The following PLEKHA3 variants were observed in gnomAD, a reference collection of about 807,000 sequenced individuals.
The protein encoded by PLEKHA3 is pleckstrin homology domain containing A3.
PLEKHA3 carries 19 observed loss-of-function variants against 39.2 expected under a neutral mutation model. The observed-to-expected ratio is 0.48, with a 90% CI of 0.34 to 0.71. PLEKHA3 has a LOEUF of 0.71. Among genes scored for constraint, PLEKHA3 ranks in the 30% least tolerant of loss-of-function variants. PLEKHA3 has a pLI of 0.01. For missense variants in PLEKHA3, 253 were observed against 359.5 expected (o/e 0.70, Z 2.40); for synonymous variants, 97 against 118.6 (o/e 0.82, Z 1.18).
rs1158184049 is a variant in PLEKHA3, at chr2:178,508,938, A to G, written c.*5051A>G. 6.5e-6 allele frequency: 1 copy of G among 153,736 alleles called. No homozygotes were observed. The highest frequency in any genetic ancestry group is 1.5e-5 in the Non-Finnish European group (1 of 68,074). 9.5% of individuals were successfully genotyped at this position (153,736 alleles called of 1,614,324 possible). On this transcript the variant is annotated 3_prime_UTR_variant, in exon 8 of 8. Coordinates refer to ENST00000234453, the MANE Select transcript of PLEKHA3 (RefSeq NM_019091.4). ...GACTTCTAGTCCTGATTTCAGCCCT[A>G]TACCTCACTCTCATCTTCTACAATA...
chr2:178,488,086 C>A (rs1176978593), intron 2 of PLEKHA3, among the ~76,000 whole-genome samples: 3 of 149,246 alleles, frequency 2.0e-5, no homozygotes, highest in African/African-American at 7.4e-5. Flanking sequence ...CCAGCCTGGG[C>A]AACAAAATGA....
rs1685597232 is a variant in PLEKHA3, at chr2:178,506,027, A to G, written c.*2140A>G. On this transcript the variant is annotated 3_prime_UTR_variant, in exon 8 of 8. Coordinates refer to ENST00000234453, the MANE Select transcript of PLEKHA3 (RefSeq NM_019091.4). ...TAGCATGAAGAAACCTATAAAGCTT[A>G]AGGGAACCTTGCATTTTGAGGAGTC... 1 of 152,106 alleles carries G rather than the reference A, an allele frequency of 6.6e-6. No individual in the cohort carries two copies. Among genetic ancestry groups the G allele is most frequent in the Non-Finnish European group, 1.5e-5 (1 of 67,982 alleles). 9.4% of individuals were successfully genotyped at this position (152,106 alleles called of 1,614,324 possible).
chr2:178,481,844 G>C (rs551445028), intron 1 of PLEKHA3: 13 of 82,458 alleles, frequency 1.6e-4, no homozygotes, highest in East Asian at 1.5e-3. Context: ...AGATTTTTTG[G>C]GGGGGGGGGG....
chr2:178,513,336 AC>A lies in PLEKHA3; in HGVS notation c.*9450del, dbSNP rs1685714665. On this transcript the variant is annotated 3_prime_UTR_variant, in exon 8 of 8. Coordinates refer to ENST00000234453, the MANE Select transcript of PLEKHA3 (RefSeq NM_019091.4). ...GGCACATTTTTATGATGCATCTGGTACTAAAGAAGGAGCTGGCTTTATGACC... is the reference window on the plus strand; with the variant it reads ...GGCACATTTTTATGATGCATCTGGTATAAAGAAGGAGCTGGCTTTATGACC... The A allele has an allele frequency of 6.6e-6, 1 of 152,174 alleles. No individual in the cohort carries two copies. The highest frequency in any genetic ancestry group is 2.4e-5 in the African/African-American group (1 of 41,432). The allele number at this position is 152,174 out of a possible 1,614,324, so 9.4% of individuals were successfully genotyped here.
At position 178,507,758 on chromosome 2, in the gene PLEKHA3, T is replaced by G. The variant is rs546682300; in HGVS notation, c.*3871T>G. The G allele has an allele frequency of 2.1e-5, 3 of 145,804 alleles. No homozygotes were observed. The East Asian group carries it at 6.3e-4, about 30-fold the overall frequency. The allele number at this position is 145,804 out of a possible 1,614,324, so 9.0% of individuals were successfully genotyped here. A position where few individuals can be genotyped will look rare whatever the true frequency, so the allele number is the denominator to read the frequency against. On this transcript the variant is annotated 3_prime_UTR_variant, in exon 8 of 8. Coordinates refer to ENST00000234453, the MANE Select transcript of PLEKHA3 (RefSeq NM_019091.4). ...GCATAGAAAGTAAAGATTTTAAGGCTTTACAGGTCTGAAAATGTCTCTACT... is the reference window on the plus strand; with the variant it reads ...GCATAGAAAGTAAAGATTTTAAGGCGTTACAGGTCTGAAAATGTCTCTACT...
intron 1 of PLEKHA3, among the ~76,000 whole-genome samples, chr2:178,484,481 C>G (rs1259182410): frequency 6.6e-6 from 1 of 151,990 alleles, no homozygotes; most frequent in Non-Finnish European, 1.5e-5. Context: ...CAGATAAATC[C>G]TTTTGGGGAA....
intron 2 of PLEKHA3, among the ~76,000 whole-genome samples, chr2:178,488,556 G>C (rs1024650963): frequency 6.6e-6 from 1 of 152,210 alleles, no homozygotes; most frequent in Non-Finnish European, 1.5e-5. Flanking sequence ...ATTCTGTTCT[G>C]TGGCCCTGTT....
chr2:178,497,086 G>T (rs1383159281), intron 5 of PLEKHA3, among the ~76,000 whole-genome samples: 1 of 150,640 alleles, frequency 6.6e-6, no homozygotes, highest in Non-Finnish European at 1.5e-5. Context: ...ATGCCCAGCC[G>T]TCACACCCTC....
intron 2 of PLEKHA3, among the ~76,000 whole-genome samples, chr2:178,487,885 A>G (rs1685276352): frequency 6.6e-6 from 1 of 152,112 alleles, no homozygotes; most frequent in African/African-American, 2.4e-5. Flanking sequence ...AATTCGGAAT[A>G]TTTCTGGTGT....
At chr2:178,481,845 G>GTT (rs1415420827) in intron 1 of PLEKHA3, 2 of 139,516 alleles carry the variant, frequency 1.4e-5, no homozygotes, top group East Asian at 5.0e-4. Context: ...GATTTTTTGG[G>GTT]GGGGGGGGGT....
intron 1 of PLEKHA3, among the ~76,000 whole-genome samples, chr2:178,484,018 G>A (rs972829390): frequency 2.6e-5 from 4 of 152,134 alleles, no homozygotes; most frequent in Non-Finnish European, 4.4e-5. Context: ...TTGAGGCTGT[G>A]GTGAGCCATG....
In PLEKHA3 at chr2:178,515,726, T is replaced by C. The variant is rs1205869880; in HGVS notation, c.*11839T>C. ...ATTTTTTTGTAATTTTTTTGCTTTCTAATTCTTGAGTGAATTTAAAACTCA... is the reference window on the plus strand; with the variant it reads ...ATTTTTTTGTAATTTTTTTGCTTTCCAATTCTTGAGTGAATTTAAAACTCA... On this transcript the variant is annotated 3_prime_UTR_variant, in exon 8 of 8. Coordinates refer to ENST00000234453, the MANE Select transcript of PLEKHA3 (RefSeq NM_019091.4). 12 of 152,260 alleles carry C rather than the reference T, an allele frequency of 7.9e-5. No homozygotes were observed. In the East Asian group the frequency reaches 2.1e-3, roughly 27 times the overall value. 9.4% of individuals were successfully genotyped at this position (152,260 alleles called of 1,614,324 possible). A position where few individuals can be genotyped will look rare whatever the true frequency, so the allele number is the denominator to read the frequency against.
intron 2 of PLEKHA3, among the ~76,000 whole-genome samples, chr2:178,488,493 C>T (rs1007121261): frequency 1.3e-5 from 2 of 152,216 alleles, no homozygotes; most frequent in Non-Finnish European, 2.9e-5. Flanking sequence ...ATGGGGATAC[C>T]TTTGTCACAA....
At position 178,504,625 on chromosome 2, in the gene PLEKHA3, A is replaced by G. The variant is rs1386491527; in HGVS notation, c.*738A>G. The G allele has an allele frequency of 2.0e-5, 3 of 152,252 alleles. No homozygotes were observed. The highest frequency in any genetic ancestry group is 2.0e-4 in the Admixed American group (3 of 15,240). 9.4% of individuals were successfully genotyped at this position (152,252 alleles called of 1,614,324 possible). A position where few individuals can be genotyped will look rare whatever the true frequency, so the allele number is the denominator to read the frequency against. Reference sequence around the variant, plus strand: ...CGTTGTTCTTTACGTTGTTCTAGAAAAGAGATTTTAATGCTGTAGTGACTT... The same window carrying G: ...CGTTGTTCTTTACGTTGTTCTAGAAGAGAGATTTTAATGCTGTAGTGACTT... On this transcript the variant is annotated 3_prime_UTR_variant, in exon 8 of 8. Transcript: ENST00000234453.
chr2:178,502,417 G>T (rs752752518), intron 7 of PLEKHA3: 1 of 413,950 alleles, frequency 2.4e-6, no homozygotes, highest in Admixed American at 3.5e-5. Context: ...GCAAGACCTG[G>T]AAGAGAAGAG....
rs1685700891 is a variant in PLEKHA3, at chr2:178,512,316, T to C, written c.*8429T>C. 1 of 152,348 alleles carries C rather than the reference T, an allele frequency of 6.6e-6. No homozygotes were observed. The highest frequency in any genetic ancestry group is 2.4e-5 in the African/African-American group (1 of 41,584). The allele number at this position is 152,348 out of a possible 1,614,324, so 9.4% of individuals were successfully genotyped here. On this transcript the variant is annotated 3_prime_UTR_variant, in exon 8 of 8. Coordinates refer to ENST00000234453, the MANE Select transcript of PLEKHA3 (RefSeq NM_019091.4). ...AACCAAATAAATTAATGTAAAGGGATATTAATGCATTAAGCAATTTTTTTT... is the reference window on the plus strand; with the variant it reads ...AACCAAATAAATTAATGTAAAGGGACATTAATGCATTAAGCAATTTTTTTT...
chr2:178,489,022 TA>T, intron 2 of PLEKHA3: 2 of 442,432 alleles, frequency 4.5e-6, no homozygotes, highest in African/African-American at 2.1e-5. Context: ...CTGGTATGTT[TA>T]AAAATGAGTC....
rs1263917196 is a variant in PLEKHA3, at chr2:178,510,904, A to G, written c.*7017A>G. 1 of 152,150 alleles carries G rather than the reference A, an allele frequency of 6.6e-6. No individual in the cohort carries two copies. The highest frequency in any genetic ancestry group is 1.5e-5 in the Non-Finnish European group (1 of 68,026). The allele number at this position is 152,150 out of a possible 1,614,324, so 9.4% of individuals were successfully genotyped here. A position where few individuals can be genotyped will look rare whatever the true frequency, so the allele number is the denominator to read the frequency against. On this transcript the variant is annotated 3_prime_UTR_variant, in exon 8 of 8. Coordinates refer to ENST00000234453, the MANE Select transcript of PLEKHA3 (RefSeq NM_019091.4). ...TTGGGGAACATTTAATTTAAATACT[A>G]TGTTCAATTTTTTTAATGGTCTGCT...
intron 1 of PLEKHA3, 58 bp from the exon 2 acceptor site, chr2:178,485,583 C>T: frequency 1.9e-6 from 2 of 1,029,240 alleles, no homozygotes; most frequent in Non-Finnish European, 3.0e-6. Context: ...TCACAGTTTT[C>T]TATGTGGTGA....
Sources: gnomAD v4.1 joint callset for allele counts (sites outside exome capture counted in the v4.1 genomes callset) on GRCh38, gnomAD v4.1.1 for gene constraint, MANE v1.5 for transcripts, NCBI Gene and HGNC (gene_info 2026-07-23, HGNC 2026-07-21) for gene names.